The following TRAK1 variants were observed in gnomAD, a reference collection of about 807,000 sequenced individuals.
The protein encoded by TRAK1 is trafficking kinesin protein 1.
A neutral mutation model predicts 92.1 loss-of-function variants in TRAK1; 33 were observed. The ratio of observed to expected loss-of-function variants is 0.36; its 90% CI spans 0.27 to 0.48. TRAK1 has a LOEUF of 0.48. Among genes scored for constraint, TRAK1 ranks in the 20% least tolerant of loss-of-function variants. The probability of loss-of-function intolerance (pLI) is 0.99; values close to 1 mark genes in which losing one functional copy is unlikely to be tolerated. For missense variants in TRAK1, 1,123 were observed against 1,257.9 expected (o/e 0.89, Z 1.62); for synonymous variants, 521 against 517.3 (o/e 1.01, Z -0.10).
At chr3:42,192,486 A>ATTTCGTCAAAGTACCAAGTATTTTGCG (rs1705954331) in intron 7 of TRAK1, among the ~76,000 whole-genome samples, 1 of 152,144 alleles carries the variant, frequency 6.6e-6, no homozygotes, top group South Asian at 2.1e-4. Flanking sequence ...AGTATTTTGC[A>ATTTCGTCAAAGTACCAAGTATTTTGCG]TTTCGTCAAA....
intron 10 of TRAK1, among the ~76,000 whole-genome samples, chr3:42,197,431 A>G (rs1206749838): frequency 2.6e-5 from 4 of 151,428 alleles, no homozygotes; most frequent in African/African-American, 9.7e-5. Flanking sequence ...CGATTTTTAA[A>G]TTTGTATTAT....
chr3:42,051,964 G>A (rs961153242), intron 1 of TRAK1, among the ~76,000 whole-genome samples: 1 of 152,112 alleles, frequency 6.6e-6, no homozygotes, highest in African/African-American at 2.4e-5. Context: ...ACCCAGTGAC[G>A]TGACTCATTT....
intron 10 of TRAK1, among the ~76,000 whole-genome samples, chr3:42,195,866 G>A (rs1378969079): frequency 6.6e-6 from 1 of 152,108 alleles, no homozygotes; most frequent in Admixed American, 6.5e-5. Flanking sequence ...CTGATCTAGC[G>A]CTAACCACAC....
chr3:42,030,724 ATATATATATATATATATG>A (rs1702107261), intron 1 of TRAK1, among the ~76,000 whole-genome samples: 1 of 42,438 alleles, frequency 2.4e-5, no homozygotes, highest in African/African-American at 6.7e-5. Flanking sequence ...ATATATATAT[ATATATATATATATATATG>A]TAACTTGTTG....
upstream of TRAK1, among the ~76,000 whole-genome samples, chr3:42,082,467 G>A (rs1276782303): frequency 6.6e-6 from 1 of 152,030 alleles, no homozygotes; most frequent in Non-Finnish European, 1.5e-5. Context: ...GCGTAGTGGT[G>A]CGTGCCTGTA....
intron 1 of TRAK1, among the ~76,000 whole-genome samples, chr3:42,104,948 TC>T (rs1707316554): frequency 8.7e-6 from 1 of 114,966 alleles, no homozygotes; most frequent in Non-Finnish European, 1.8e-5. Flanking sequence ...AAGCTAAAAA[TC>T]TTTTTTTTTT....
chr3:42,100,352 G>A (rs557179416), intron 1 of TRAK1, among the ~76,000 whole-genome samples: 1 of 152,296 alleles, frequency 6.6e-6, no homozygotes, highest in Admixed American at 6.5e-5. Flanking sequence ...GGATGACAGA[G>A]CAAGAGACCT....
chr3:42,218,395 G>A, intron 14 of TRAK1: 2 of 944,310 alleles, frequency 2.1e-6, no homozygotes, highest in Non-Finnish European at 2.4e-6. Flanking sequence ...ATCTGAATCA[G>A]TTTTCTCCCA....
At chr3:42,079,471 C>CTTGT (rs1455044953) in intron 1 of TRAK1, among the ~76,000 whole-genome samples, 2 of 85,022 alleles carry the variant, frequency 2.4e-5, no homozygotes, top group Non-Finnish European at 5.3e-5. Flanking sequence ...AAGGAAGCTC[C>CTTGT]TTCTTCTTTT....
Position 42,193,146 on chromosome 3 carries a change from C to G in TRAK1, c.841C>G (p.Gln281Glu). ...AKKTEDAARQQEEITHLLSQI... is the reference protein window; with the variant it reads ...AKKTEDAARQEEEITHLLSQI... The stretch of plus-strand genomic sequence containing the variant: ...GAAGACGGAAGATGCTGCCCGCCAG[C>G]AAGAGGAGATCACACACCTGCTATC... The change falls in exon 8 of 16, where the codon CAA becomes GAA. Residue 281 changes from glutamine to glutamate, a missense_variant. This residue lies in a region of TRAK1 where 686 missense variants were observed against 747.6 expected (regional missense o/e 0.92). Transcript: ENST00000327628. The G allele has an allele frequency of 1.2e-6, 2 of 1,614,198 alleles. No homozygotes were observed. The highest frequency in any genetic ancestry group is 1.6e-4 in the Middle Eastern group (1 of 6,062).
chr3:42,054,874 T>C (rs979836217), intron 1 of TRAK1, among the ~76,000 whole-genome samples: 1 of 150,752 alleles, frequency 6.6e-6, no homozygotes, highest in African/African-American at 2.4e-5. Context: ...AAATTTTTTT[T>C]TAATTTGTAA....
intron 2 of TRAK1, among the ~76,000 whole-genome samples, chr3:42,137,499 T>C (rs1244980004): frequency 6.6e-6 from 1 of 152,186 alleles, no homozygotes; most frequent in Non-Finnish European, 1.5e-5. Flanking sequence ...CAGGTAATGG[T>C]CAGGAAGGTG....
chr3:42,090,874 T>A (rs1319928336), upstream of TRAK1, among the ~76,000 whole-genome samples: 1 of 152,198 alleles, frequency 6.6e-6, no homozygotes, highest in Non-Finnish European at 1.5e-5. Context: ...ACAGACACTC[T>A]TATGCGTTTA....
At position 42,026,952 on chromosome 3, in the gene TRAK1, C is replaced by G. The variant is rs1337654750; in HGVS notation, c.-519+12835C>G. Among the ~76,000 whole-genome samples the G allele has an allele frequency of 5.3e-5, 8 of 152,234 alleles. No homozygotes were observed. The East Asian group carries it at 1.2e-3, about 22-fold the overall frequency. ...TATCAAATTTACTTAAATAACTGCTCTGGTAGACTGACTTTCTACAGGAAA... is the reference window on the plus strand; with the variant it reads ...TATCAAATTTACTTAAATAACTGCTGTGGTAGACTGACTTTCTACAGGAAA... On this transcript the variant is annotated intron_variant, in intron 1 of 16. Coordinates refer to the TRAK1 transcript ENST00000487159.
chr3:42,054,804 C>G (rs1008956831), intron 1 of TRAK1, among the ~76,000 whole-genome samples: 1 of 150,838 alleles, frequency 6.6e-6, no homozygotes, highest in Non-Finnish European at 1.5e-5. Context: ...TAACCATTGC[C>G]ATGATTATCT....
At chr3:42,199,349 A>T in intron 11 of TRAK1, 96 bp downstream of exon 11, 3 of 1,167,280 alleles carry the variant, frequency 2.6e-6, no homozygotes. Flanking sequence ...CTGGGTACCG[A>T]CAGTGATTGA....
chr3:42,030,689 A>AATATATATATAT (rs57651073), intron 1 of TRAK1, among the ~76,000 whole-genome samples: 19 of 97,674 alleles, frequency 1.9e-4, no homozygotes, highest in African/African-American at 9.4e-4. Context: ...AAAAAAAAAG[A>AATATATATATAT]ATATATATAT....
intron 1 of TRAK1, among the ~76,000 whole-genome samples, chr3:42,077,860 G>A (rs762048638): frequency 1.3e-5 from 2 of 152,172 alleles, no homozygotes; most frequent in Non-Finnish European, 2.9e-5. Context: ...AGAGACTGTG[G>A]GGTGTTCTAA....
At chr3:42,034,926 C>T (rs1702271076) in intron 1 of TRAK1, among the ~76,000 whole-genome samples, 1 of 152,052 alleles carries the variant, frequency 6.6e-6, no homozygotes, top group Non-Finnish European at 1.5e-5. Context: ...TTGCCTGTGG[C>T]CTCCATCTCA....
Sources: allele counts gnomAD v4.1 joint callset (sites outside exome capture counted in the v4.1 genomes callset), GRCh38; gene constraint gnomAD v4.1.1; regional missense constraint gnomAD v4.1.1; transcripts MANE v1.5; gene names NCBI Gene and HGNC (gene_info 2026-07-23, HGNC 2026-07-21).